The following EXOC4 variants were observed in gnomAD, a reference collection of about 807,000 sequenced individuals.
EXOC4 encodes SEC8-like 1.
In EXOC4, 71 loss-of-function variants were observed where a neutral mutation model predicts 107.2. The observed-to-expected ratio is 0.66, with a 90% CI of 0.55 to 0.81. EXOC4 has a LOEUF of 0.81. Among genes scored for constraint, EXOC4 ranks in the 30% least tolerant of loss-of-function variants. EXOC4 has a pLI of 0.00. For synonymous variants in EXOC4, 456 were observed against 441.2 expected, an observed-to-expected ratio of 1.03 and a Z score of -0.42; for missense variants, 1,108 against 1,189.6, an observed-to-expected ratio of 0.93 and a Z score of 1.01.
chr7:133,371,325 C>G (rs1261627966), intron 6 of EXOC4, among the ~76,000 whole-genome samples: 1 of 152,116 alleles, frequency 6.6e-6, no homozygotes, highest in South Asian at 2.1e-4. Context: ...GAGTTTTGCA[C>G]CCGTCACCAC....
intron 9 of EXOC4, among the ~76,000 whole-genome samples, chr7:133,532,800 T>G (rs1045474635): frequency 1.3e-5 from 2 of 152,130 alleles, no homozygotes; most frequent in African/African-American, 4.8e-5. Flanking sequence ...TTAGAAAATT[T>G]ACTTTTGAGG....
chr7:133,561,505 T>G (rs776629908), intron 9 of EXOC4, among the ~76,000 whole-genome samples: 1 of 152,118 alleles, frequency 6.6e-6, no homozygotes, highest in Admixed American at 6.5e-5. Context: ...TTATAGTGTG[T>G]TTTCCTTCAT....
intron 12 of EXOC4, among the ~76,000 whole-genome samples, chr7:133,898,970 TC>T (rs1406229178): frequency 1.3e-5 from 2 of 151,682 alleles, no homozygotes; most frequent in African/African-American, 4.8e-5. Flanking sequence ...AGAGTGAGAC[TC>T]CATCTCAAAA....
chr7:133,850,607 T>C (rs1005051065), intron 11 of EXOC4, among the ~76,000 whole-genome samples: 4 of 151,726 alleles, frequency 2.6e-5, no homozygotes, highest in Non-Finnish European at 4.4e-5. Context: ...CGTTCAGACA[T>C]GAGAGGGCTT....
intron 7 of EXOC4, among the ~76,000 whole-genome samples, chr7:133,391,873 A>G (rs1331433420): frequency 2.0e-5 from 3 of 152,240 alleles, no homozygotes; most frequent in African/African-American, 4.8e-5. Context: ...AATAGATTAC[A>G]TAAGTCAGGT....
chr7:134,082,422 T>C, the EXOC4 span, among the ~76,000 whole-genome samples: 1 of 152,164 alleles, frequency 6.6e-6, no homozygotes, highest in Non-Finnish European at 1.5e-5. Context: ...GCCAGCTTCT[T>C]TACTGCAACC....
intron 11 of EXOC4, among the ~76,000 whole-genome samples, chr7:133,834,456 G>A (rs1032581468): frequency 6.6e-6 from 1 of 152,198 alleles, no homozygotes; most frequent in Non-Finnish European, 1.5e-5. Context: ...AGGGTATGGG[G>A]CAGGACTTGC....
chr7:133,603,629 CAT>C (rs1232107567), intron 9 of EXOC4, among the ~76,000 whole-genome samples: 2 of 152,122 alleles, frequency 1.3e-5, no homozygotes, highest in African/African-American at 4.8e-5. Context: ...TCTATCTAAA[CAT>C]ATGTAAACAT....
chr7:133,730,844 A>G (rs2151116737), intron 10 of EXOC4, among the ~76,000 whole-genome samples: 1 of 152,278 alleles, frequency 6.6e-6, no homozygotes, highest in African/African-American at 2.4e-5. Context: ...AAACACAAGT[A>G]TGGTGCACTT....
intron 7 of EXOC4, among the ~76,000 whole-genome samples, chr7:133,403,265 A>C (rs917712849): frequency 6.6e-6 from 1 of 152,242 alleles, no homozygotes; most frequent in Non-Finnish European, 1.5e-5. Context: ...ATGCACAAGC[A>C]TGCCTGCTAT....
rs150835662 is a variant in EXOC4 at position 133,704,425 on chromosome 7, C to T, written c.1514+74284C>T. 1.2e-4 allele frequency among the ~76,000 whole-genome samples: 18 copies of T among 152,330 alleles called. No homozygotes were observed. In the East Asian group the frequency reaches 3.5e-3, roughly 29 times the overall value. On this transcript the variant is annotated intron_variant, in intron 10 of 17. Transcript: ENST00000253861. The stretch of plus-strand genomic sequence containing the variant: ...CCATACTTACACTGCTATTCAGTTT[C>T]TCCAACAGCCTGACTTTCAGTGCTA...
chr7:133,601,419 T>G (rs1183647533), intron 9 of EXOC4, among the ~76,000 whole-genome samples: 1 of 152,158 alleles, frequency 6.6e-6, no homozygotes, highest in African/African-American at 2.4e-5. Flanking sequence ...TTTTCAAAAA[T>G]TAAGGATTAG....
intron 7 of EXOC4, among the ~76,000 whole-genome samples, chr7:133,455,756 T>C (rs1351229947): frequency 2.0e-5 from 3 of 152,226 alleles, no homozygotes; most frequent in African/African-American, 7.2e-5. Context: ...TCCATAGATT[T>C]ATGGGTTTTA....
chr7:133,305,146 C>T (rs981224493), intron 3 of EXOC4, among the ~76,000 whole-genome samples: 1 of 151,190 alleles, frequency 6.6e-6, no homozygotes, highest in Non-Finnish European at 1.5e-5. Flanking sequence ...CTGAATCCTT[C>T]ATGTTCTCCA....
chr7:133,577,001 T>G (rs1041864198), intron 9 of EXOC4: 22 of 505,560 alleles, frequency 4.4e-5, no homozygotes, highest in South Asian at 4.3e-4. Context: ...GATGTCTGTT[T>G]TCATTTATTA....
At chr7:134,061,940 A>G (rs1796069662) in intron 17 of EXOC4, among the ~76,000 whole-genome samples, 1 of 152,218 alleles carries the variant, frequency 6.6e-6, no homozygotes, top group South Asian at 2.1e-4. Flanking sequence ...TATGCTAAAC[A>G]TGAAACTTCA....
At chr7:133,334,767 A>G (rs548812075) in intron 5 of EXOC4, among the ~76,000 whole-genome samples, 146 of 148,486 alleles carry the variant, frequency 9.8e-4, no homozygotes, top group African/African-American at 3.4e-3. Flanking sequence ...GTTCCCCTCT[A>G]TATGTCCATG....
At chr7:134,047,340 G>C (rs1795679801) in intron 17 of EXOC4, among the ~76,000 whole-genome samples, 1 of 151,682 alleles carries the variant, frequency 6.6e-6, no homozygotes, top group Admixed American at 6.6e-5. Flanking sequence ...TTTATATGTA[G>C]ACTTAGGAGA....
intron 14 of EXOC4, among the ~76,000 whole-genome samples, chr7:133,976,164 G>A (rs1201506846): frequency 2.6e-5 from 4 of 152,208 alleles, no homozygotes; most frequent in Non-Finnish European, 4.4e-5. Flanking sequence ...AATGCAGTGT[G>A]TGGCTATGTT....
Sources: allele counts gnomAD v4.1 joint callset (sites outside exome capture counted in the v4.1 genomes callset), GRCh38; gene constraint gnomAD v4.1.1; transcripts MANE v1.5; gene names NCBI Gene and HGNC (gene_info 2026-07-23, HGNC 2026-07-21).